Variants in SEC24C observed in about 807,000 individuals in gnomAD.
SEC24C encodes the protein SEC24 homolog C, COPII component, also known as protein transport protein Sec24C.
A neutral mutation model predicts 117.0 loss-of-function variants in SEC24C; 22 were observed. That is an observed-to-expected ratio of 0.19 (90% confidence interval 0.13 to 0.27). The LOEUF is 0.27. Ranked by LOEUF, SEC24C falls within the 10% of genes least tolerant of loss-of-function variation. SEC24C has a pLI of 1.00. For synonymous variants in SEC24C, 506 were observed against 529.4 expected (o/e 0.96, Z 0.61); for missense variants, 1,155 against 1,375.1 (o/e 0.84, Z 2.53).
intron 6 of SEC24C, among the ~76,000 whole-genome samples, chr10:73,762,928 G>A (rs1363196330): frequency 6.6e-6 from 1 of 152,158 alleles, no homozygotes; most frequent in African/African-American, 2.4e-5. Flanking sequence ...ATGCTTACCT[G>A]AAAGTAAGGC....
Position 73,769,111 on chromosome 10 carries a change from C to CATGACGATCGGCTCA in SEC24C, c.2388_2402dup (p.Asp796_Asn800dup). Reference sequence around the variant, plus strand: ...CAAAACAGTGACTGTGGAGTTCAAGCATGACGATCGGCTCAATGAAGAGAG... The same window carrying CATGACGATCGGCTCA: ...CAAAACAGTGACTGTGGAGTTCAAGCATGACGATCGGCTCAATGACGATCGGCTCAATGAAGAGAG... On this transcript the variant is annotated inframe_insertion, in exon 17 of 23. Transcript: ENST00000345254. The surrounding 1 kb of genome is among the most constrained non-coding windows in gnomAD (Gnocchi z 4.5). 1 of 1,614,182 alleles carries CATGACGATCGGCTCA rather than the reference C, an allele frequency of 6.2e-7. No individual in the cohort carries two copies. Among genetic ancestry groups the CATGACGATCGGCTCA allele is most frequent in the Non-Finnish European group, 8.5e-7 (1 of 1,180,024 alleles).
chr10:73,762,035 C>A, intron 6 of SEC24C: 1 of 1,136,064 alleles, frequency 8.8e-7, no homozygotes, highest in Non-Finnish European at 1.2e-6. Flanking sequence ...TAACATCTGC[C>A]TCTTGTTCTT....
chr10:73,752,212 C>T (rs80150993), intron 3 of SEC24C: 1 of 152,166 alleles, frequency 6.6e-6, no homozygotes, highest in East Asian at 1.9e-4. Flanking sequence ...GCCTGGATGT[C>T]TCAGGCTCAG....
At chr10:73,750,541 G>A (rs1236323346) in intron 2 of SEC24C, among the ~76,000 whole-genome samples, 1 of 152,176 alleles carries the variant, frequency 6.6e-6, no homozygotes, top group Admixed American at 6.5e-5. Context: ...CAAGGTCTCC[G>A]ATCTATAGGA....
At chr10:73,750,290 G>A (rs2082625254) in intron 2 of SEC24C, among the ~76,000 whole-genome samples, 1 of 152,176 alleles carries the variant, frequency 6.6e-6, no homozygotes, top group Non-Finnish European at 1.5e-5. Flanking sequence ...CTCTACTGAG[G>A]GCAGAGCAAA....
At chr10:73,764,847 G>A (rs1030661322) in intron 8 of SEC24C, among the ~76,000 whole-genome samples, 39 of 152,322 alleles carry the variant, frequency 2.6e-4, no homozygotes, top group African/African-American at 8.9e-4. Context: ...CTTATCTTAC[G>A]ATAGGGTTCT....
chr10:73,748,754 A>C (rs1032501808), intron 2 of SEC24C, among the ~76,000 whole-genome samples: 3 of 120,220 alleles, frequency 2.5e-5, no homozygotes, highest in East Asian at 2.5e-4. Context: ...TTTCTTTTTT[A>C]TTTTTGAGCT....
chr10:73,767,685 A>G, intron 14 of SEC24C, 152 bp from the exon 15 acceptor site: 1 of 538,590 alleles, frequency 1.9e-6, no homozygotes. Flanking sequence ...TAAAAATAAT[A>G]TAAAAGAAAA....
chr10:73,760,725 C>T lies in SEC24C; in HGVS notation c.863C>T (p.Pro288Leu). 6.3e-7 allele frequency: 1 copy of T among 1,599,676 alleles called. No individual in the cohort carries two copies. The highest frequency in any genetic ancestry group is 1.8e-5 in the Admixed American group (1 of 56,174). The change falls in exon 6 of 23, where the codon CCA (proline) becomes CTA (leucine). Residue 288 changes from proline (P) to leucine (L), a missense_variant. Physicochemically the swap from Pro to Leu is moderately conservative, Grantham distance 98. Transcript: ENST00000345254. The stretch of plus-strand genomic sequence containing the variant: ...GTCCTTGTCTCAGGTTCCTTCGGAC[C>T]AGCCCGGGGCCCTCAGTCTAATTAT... ...YQPQQNGSFG[P>L]ARGPQSNYGG...
intron 3 of SEC24C, among the ~76,000 whole-genome samples, chr10:73,756,277 C>T (rs1189901765): frequency 2.0e-5 from 3 of 152,042 alleles, no homozygotes; most frequent in African/African-American, 7.3e-5. Context: ...GCAGATGAGT[C>T]CTTGGGCTTT....
At chr10:73,747,050 C>A in intron 2 of SEC24C, 46 bp downstream of exon 2, 1 of 1,564,720 alleles carries the variant, frequency 6.4e-7, no homozygotes, top group East Asian at 2.3e-5. Flanking sequence ...GGGAAATCAG[C>A]AGAGTCTTCA....
intron 2 of SEC24C, 59 bp downstream of exon 2, chr10:73,747,063 T>A (rs1478570316): frequency 4.7e-6 from 7 of 1,493,758 alleles, no homozygotes; most frequent in Non-Finnish European, 6.4e-6. Context: ...AGTCTTCAGG[T>A]TGGGTTGTAT....
At chr10:73,763,437 G>T in intron 6 of SEC24C, 53 bp from the exon 7 acceptor site, 1 of 1,252,884 alleles carries the variant, frequency 8.0e-7, no homozygotes, top group South Asian at 1.2e-5. Context: ...GGCACTCTGG[G>T]ACCTCACACT....
At chr10:73,757,563 G>A (rs2082729184) in intron 3 of SEC24C, among the ~76,000 whole-genome samples, 1 of 150,308 alleles carries the variant, frequency 6.7e-6, no homozygotes, top group Non-Finnish European at 1.5e-5. Context: ...CATTATTGGA[G>A]TACCTTCTGG....
chr10:73,761,140 A>C (rs558173952), intron 6 of SEC24C, among the ~76,000 whole-genome samples: 1 of 152,336 alleles, frequency 6.6e-6, no homozygotes, highest in South Asian at 2.1e-4. Flanking sequence ...TACATAGTAT[A>C]GTAGCCTTTG....
At chr10:73,752,606 G>T (rs1381044476) in intron 3 of SEC24C, among the ~76,000 whole-genome samples, 1 of 152,174 alleles carries the variant, frequency 6.6e-6, no homozygotes, top group African/African-American at 2.4e-5. Flanking sequence ...GTACACAAAT[G>T]TACATAAAGT....
chr10:73,754,026 C>T (rs995235272), intron 3 of SEC24C, among the ~76,000 whole-genome samples: 2 of 152,074 alleles, frequency 1.3e-5, no homozygotes, highest in African/African-American at 4.8e-5. Flanking sequence ...TGGCCCAAGA[C>T]ACTTCTTCCA....
intron 2 of SEC24C, among the ~76,000 whole-genome samples, chr10:73,750,624 A>T (rs761929196): frequency 1.3e-5 from 2 of 152,254 alleles, no homozygotes; most frequent in African/African-American, 2.4e-5. Context: ...TAGTGTAAGC[A>T]GAATGAATGA....
In SEC24C at chr10:73,760,820, C is replaced by T. The variant is rs774248000; in HGVS notation, c.958C>T (p.Arg320Cys). ...GCCTCCTCAGCCACTGCCTCCTAAG[C>T]GCCTGGACCCTGATGCCATCCCAAG... The part of the protein sequence containing the change: ...PGPPQPLPPK[R>C]LDPDAIPSPI... The change falls in exon 6 of 23, where the codon CGC (arginine) becomes TGC (cysteine). Residue 320 changes from arginine (R) to cysteine (C), a missense_variant. By Grantham distance (180) the Arg-to-Cys change is radical (BLOSUM62 -3). Transcript: ENST00000345254. 2 of 1,614,002 alleles carry T rather than the reference C, an allele frequency of 1.2e-6. No homozygotes were observed. Among genetic ancestry groups the T allele is most frequent in the African/African-American group, 1.3e-5 (1 of 75,020 alleles).
Sources: allele counts gnomAD v4.1 joint callset (sites outside exome capture counted in the v4.1 genomes callset), GRCh38; gene constraint gnomAD v4.1.1; non-coding constraint Gnocchi (gnomAD v3.1); transcripts MANE v1.5; gene names NCBI Gene and HGNC (gene_info 2026-07-23, HGNC 2026-07-21).